Variants in AGO1 observed in about 807,000 individuals in gnomAD.
AGO1 encodes the protein protein argonaute-1.
AGO1 carries 11 observed loss-of-function variants against 109.2 expected under a neutral mutation model. That is an observed-to-expected ratio of 0.10 (90% CI 0.06 to 0.17). AGO1 has a LOEUF of 0.17. AGO1 is among the 10% of genes least tolerant of loss of function. The pLI is 1.00. For missense variants in AGO1, 574 were observed against 1,140.3 expected (o/e 0.50, Z 7.15); for synonymous variants, 422 against 418.6 (o/e 1.01, Z -0.10).
chr1:35,888,427 C>T lies in AGO1; in HGVS notation c.26C>T (p.Ala9Val), dbSNP rs534382148. Reference protein sequence around the residue: MEAGPSGAAAGAYLPPLQQ... With the variant: MEAGPSGAVAGAYLPPLQQ... ...CCTCACCAGCCTCTTTGTCTTGTAGCTGCGGGCGCTTACCTGCCCCCCCTG... is the reference window on the plus strand; with the variant it reads ...CCTCACCAGCCTCTTTGTCTTGTAGTTGCGGGCGCTTACCTGCCCCCCCTG... The change falls in exon 2 of 19, where the codon GCT (alanine) becomes GTT (valine). Residue 9 changes from alanine to valine, a missense_variant and splice_region_variant. By Grantham distance (64) the Ala-to-Val change is moderately conservative (BLOSUM62 0). Around this residue, in one of 8 missense-constraint regions of AGO1, gnomAD observed 89 missense variants for 109.6 expected, o/e 0.81. Transcript: ENST00000373204. This position sits in a 1 kb window ranked among gnomAD's most constrained non-coding sequence, Gnocchi z 4.1. 3.4e-5 allele frequency: 55 copies of T among 1,613,850 alleles called. No homozygotes were observed. Among genetic ancestry groups the T allele is most frequent in the South Asian group, 5.5e-5 (5 of 91,054 alleles).
upstream of AGO1, among the ~76,000 whole-genome samples, chr1:35,881,077 G>A (rs1645031107): frequency 6.6e-6 from 1 of 152,202 alleles, no homozygotes; most frequent in Non-Finnish European, 1.5e-5. Flanking sequence ...GTTAAATAAT[G>A]TGCCTACTAT....
intron 11 of AGO1, among the ~76,000 whole-genome samples, chr1:35,904,049 C>G (rs1645471585): frequency 1.3e-5 from 2 of 150,992 alleles, no homozygotes; most frequent in Admixed American, 1.3e-4. Context: ...CTCACAGATA[C>G]ACAAACACCA....
intron 11 of AGO1, among the ~76,000 whole-genome samples, chr1:35,904,711 T>C (rs940845921): frequency 1.3e-5 from 2 of 152,214 alleles, no homozygotes; most frequent in East Asian, 3.8e-4. Flanking sequence ...AAATCTGTGG[T>C]TCTGACTGGG....
rs111714239 is a variant in AGO1, at chr1:35,872,746, A to AT, written c.-201+2850dup. 5.9e-5 allele frequency among the ~76,000 whole-genome samples: 9 copies of AT among 151,586 alleles called. No homozygotes were observed. In the South Asian group the frequency reaches 1.0e-3, roughly 18 times the overall value. On this transcript the variant is annotated intron_variant, in intron 1 of 18. Transcript: ENST00000373206. Reference sequence around the variant, plus strand: ...ACCACTGGGCCCAGCTAATTTTTTAATTTTTTTGTGGAAACAGAGTCTTGG... The same window carrying AT: ...ACCACTGGGCCCAGCTAATTTTTTAATTTTTTTTGTGGAAACAGAGTCTTGG...
At chr1:35,905,158 G>A (rs1472517143) in intron 11 of AGO1, among the ~76,000 whole-genome samples, 3 of 152,252 alleles carry the variant, frequency 2.0e-5, no homozygotes, top group South Asian at 2.1e-4. Flanking sequence ...TGGAAATAAC[G>A]TCTTTCCTTG....
chr1:35,904,811 T>C (rs1645489732), intron 11 of AGO1, among the ~76,000 whole-genome samples: 1 of 152,136 alleles, frequency 6.6e-6, no homozygotes, highest in African/African-American at 2.4e-5. Flanking sequence ...AAGATATAAC[T>C]CAGAGAAACT....
chr1:35,879,610 C>T (rs555788316), upstream of AGO1, among the ~76,000 whole-genome samples: 30 of 151,760 alleles, frequency 2.0e-4, no homozygotes, highest in Non-Finnish European at 3.2e-4. Context: ...TGGCATGTGC[C>T]TGTCACCCCA....
chr1:35,904,521 T>C (rs1645483536), intron 11 of AGO1, among the ~76,000 whole-genome samples: 1 of 152,236 alleles, frequency 6.6e-6, no homozygotes, highest in African/African-American at 2.4e-5. Context: ...CTCTATGTGC[T>C]CTTGTCTTTC....
In AGO1 at chr1:35,902,282, G is replaced by T; in HGVS notation, c.1342G>T (p.Val448Phe). The T allele has an allele frequency of 6.2e-7, 1 of 1,614,222 alleles. No homozygotes were observed. Among genetic ancestry groups the T allele is most frequent in the Non-Finnish European group, 8.5e-7 (1 of 1,180,038 alleles). Residue 448 changes from valine to phenylalanine, a missense_variant, in exon 11 of 19, where the codon GTC (valine) becomes TTC (phenylalanine). Physicochemically the swap from Val to Phe is conservative, Grantham distance 50. This residue lies in a region of AGO1 where 106 missense variants were observed against 147.8 expected (regional missense o/e 0.72). Coordinates refer to ENST00000373204, the MANE Select transcript of AGO1 (RefSeq NM_012199.5). Reference protein sequence around the residue: ...KQFYNGIEIKVWAIACFAPQK... With the variant: ...KQFYNGIEIKFWAIACFAPQK... ...GTTCTACAATGGGATTGAGATCAAA[G>T]TCTGGGCCATCGCCTGCTTCGCACC...
intron 6 of AGO1, 36 bp from the exon 7 acceptor site, chr1:35,894,279 C>T: frequency 1.2e-6 from 2 of 1,612,298 alleles, no homozygotes; most frequent in Non-Finnish European, 1.7e-6. Flanking sequence ...CATGAGCAAC[C>T]TATTTTAGCC....
At chr1:35,872,641 T>G (rs1053172602) in intron 1 of AGO1, among the ~76,000 whole-genome samples, 30 of 152,210 alleles carry the variant, frequency 2.0e-4, no homozygotes, top group Non-Finnish European at 3.7e-4. Context: ...AACATGATCA[T>G]AGCTCACTGT....
Position 35,901,707 on chromosome 1 carries a change from A to T in AGO1, c.1140+114A>T. ...CCCAAGTCTAGATTTGTTGCCTAGG[A>T]CTGTATAAGGCTGCTTTTGCTTCTT... On this transcript the variant is annotated intron_variant, in intron 9 of 18. Coordinates refer to ENST00000373204, the MANE Select transcript of AGO1 (RefSeq NM_012199.5). The surrounding 1 kb of genome is among the most constrained non-coding windows in gnomAD (Gnocchi z 4.8). 1.3e-6 allele frequency: 2 copies of T among 1,535,182 alleles called. No homozygotes were observed. The highest frequency in any genetic ancestry group is 1.2e-5 in the South Asian group (1 of 83,616).
Position 35,913,145 on chromosome 1 carries a change from A to G in AGO1, c.1583-697A>G, listed in dbSNP as rs528419460. ...CGCCATTCTCCTGCCTCAGCCTCCC[A>G]AGTAGCTGGGACTACAGGCGCCCGC... On this transcript the variant is annotated intron_variant, in intron 12 of 18. Coordinates refer to ENST00000373204, the MANE Select transcript of AGO1 (RefSeq NM_012199.5). Among the ~76,000 whole-genome samples, 1,262 of 151,688 alleles carry G rather than the reference A, an allele frequency of 8.3e-3. 26 individuals are homozygous for G. The highest frequency in any genetic ancestry group is 0.027 in the African/African-American group (1,137 of 41,354).
In AGO1 at chr1:35,930,018, C is replaced by T. The variant is rs1480657929; in HGVS notation, c.*10411C>T. The T allele has an allele frequency of 6.6e-6, 1 of 151,876 alleles. No individual in the cohort carries two copies. The highest frequency in any genetic ancestry group is 1.5e-5 in the Non-Finnish European group (1 of 67,982). 9.4% of individuals were successfully genotyped at this position (151,876 alleles called of 1,614,324 possible). A position where few individuals can be genotyped will look rare whatever the true frequency, so the allele number is the denominator to read the frequency against. On this transcript the variant is annotated 3_prime_UTR_variant, in exon 19 of 19. Transcript: ENST00000373204. ...AAAAATTATTTTGATTAAAAAAAACCGTATTACTGAAGCATAGGGACATGG... is the reference window on the plus strand; with the variant it reads ...AAAAATTATTTTGATTAAAAAAAACTGTATTACTGAAGCATAGGGACATGG...
intron 2 of AGO1, among the ~76,000 whole-genome samples, chr1:35,891,620 AGTG>A (rs1435385777): frequency 6.6e-6 from 1 of 151,716 alleles, no homozygotes; most frequent in Non-Finnish European, 1.5e-5. Context: ...GCTGGAGTGC[AGTG>A]GCATGATCTC....
upstream of AGO1, among the ~76,000 whole-genome samples, chr1:35,880,091 C>G (rs1645023380): frequency 6.6e-6 from 1 of 152,114 alleles, no homozygotes; most frequent in Non-Finnish European, 1.5e-5. Context: ...CTTGTTGATT[C>G]AGGTAAACCC....
chr1:35,886,581 G>T (rs1165943428), intron 1 of AGO1, among the ~76,000 whole-genome samples: 1 of 152,082 alleles, frequency 6.6e-6, no homozygotes, highest in Non-Finnish European at 1.5e-5. Context: ...TTCTCCGAAG[G>T]CCCCAAATGA....
intron 1 of AGO1, among the ~76,000 whole-genome samples, chr1:35,877,350 A>G (rs1323923805): frequency 6.6e-6 from 1 of 151,976 alleles, no homozygotes; most frequent in Non-Finnish European, 1.5e-5. Flanking sequence ...GCTATTTCTC[A>G]CTTCATACTT....
intron 11 of AGO1, 103 bp from the exon 12 acceptor site, chr1:35,906,832 T>A: frequency 1.5e-5 from 12 of 818,770 alleles, no homozygotes; most frequent in South Asian, 2.1e-5. Flanking sequence ...AAAACCAATC[T>A]CTCAGTGCCT....
Sources: allele counts gnomAD v4.1 joint callset (sites outside exome capture counted in the v4.1 genomes callset), GRCh38; gene constraint gnomAD v4.1.1; regional missense constraint gnomAD v4.1.1; non-coding constraint Gnocchi (gnomAD v3.1); transcripts MANE v1.5; gene names NCBI Gene and HGNC (gene_info 2026-07-23, HGNC 2026-07-21).